PLCL2: variants seen among roughly 807,000 people sequenced by gnomAD.
The protein encoded by PLCL2 is phospholipase C like 2, also known as inactive phospholipase C-like protein 2.
Under a neutral mutation model 79.6 loss-of-function variants are expected in PLCL2, and 4 were observed. The observed-to-expected ratio is 0.05, with a 90% confidence interval of 0.02 to 0.11. The LOEUF (loss-of-function observed/expected upper bound fraction) is 0.11, where lower values mean the gene tolerates loss of function less well. Ranked by LOEUF, PLCL2 falls within the 10% of genes least tolerant of loss-of-function variation. The pLI is 1.00. For missense variants in PLCL2, 895 were observed against 1,291.0 expected (o/e 0.69, Z 4.70); for synonymous variants, 484 against 457.7 (o/e 1.06, Z -0.73).
intron 4 of PLCL2, among the ~76,000 whole-genome samples, chr3:17,047,648 G>C (rs2064794782): frequency 6.6e-6 from 1 of 152,118 alleles, no homozygotes; most frequent in Non-Finnish European, 1.5e-5. Flanking sequence ...ATCCATCCCT[G>C]CTTTCTTAAA....
At chr3:17,066,977 T>G (rs2065016621) in intron 4 of PLCL2, among the ~76,000 whole-genome samples, 1 of 152,228 alleles carries the variant, frequency 6.6e-6, no homozygotes, top group Admixed American at 6.5e-5. Context: ...TGATATGTAG[T>G]TTAATTTTGG....
chr3:16,896,767 T>TAAG (rs1284213037), intron 1 of PLCL2, among the ~76,000 whole-genome samples: 3 of 152,184 alleles, frequency 2.0e-5, no homozygotes, highest in Non-Finnish European at 2.9e-5. Flanking sequence ...TGAACACTTA[T>TAAG]TCTGCCTAAT....
chr3:16,949,811 G>GGT (rs1056752615), intron 1 of PLCL2, among the ~76,000 whole-genome samples: 7 of 152,020 alleles, frequency 4.6e-5, no homozygotes, highest in African/African-American at 1.7e-4. Flanking sequence ...GAATATTTTG[G>GGT]GTGTGTGTGA....
At chr3:16,978,888 C>A (rs1408327046) in intron 1 of PLCL2, among the ~76,000 whole-genome samples, 1 of 152,178 alleles carries the variant, frequency 6.6e-6, no homozygotes, top group Non-Finnish European at 1.5e-5. Context: ...GCTTAATTTT[C>A]TTTTAGCCAG....
At chr3:17,051,571 A>T (rs1019333355) in intron 4 of PLCL2, among the ~76,000 whole-genome samples, 1 of 152,196 alleles carries the variant, frequency 6.6e-6, no homozygotes, top group African/African-American at 2.4e-5. Context: ...GAGAATTGTT[A>T]GTAAGGAAGA....
chr3:16,984,476 A>G lies in PLCL2; in HGVS notation c.328-25198A>G, dbSNP rs28415375. Among the ~76,000 whole-genome samples the G allele has an allele frequency of 2.2e-3, 342 of 152,278 alleles. 2 individuals are homozygous for G. The highest frequency in any genetic ancestry group is 7.7e-3 in the African/African-American group (319 of 41,530). On this transcript the variant is annotated intron_variant, in intron 1 of 5. Coordinates refer to ENST00000615277, the MANE Select transcript of PLCL2 (RefSeq NM_001144382.2). ...AATTGTTAGAGTTTGTTGTTTTTAT[A>G]TGGATCTTTTCAGGATTTATCTGTT... is the stretch of plus-strand genomic sequence containing the variant.
chr3:17,017,334 T>C (rs1051273267), intron 3 of PLCL2, among the ~76,000 whole-genome samples: 17 of 152,230 alleles, frequency 1.1e-4, no homozygotes, highest in African/African-American at 2.9e-4. Context: ...TTTATCGATA[T>C]GTTCTGTTAA....
At chr3:17,071,607 G>T (rs1403446918) in intron 5 of PLCL2, among the ~76,000 whole-genome samples, 1 of 151,998 alleles carries the variant, frequency 6.6e-6, no homozygotes, top group Non-Finnish European at 1.5e-5. Context: ...TGTCTGGATG[G>T]ATCAGTATAT....
intron 1 of PLCL2, among the ~76,000 whole-genome samples, chr3:16,980,302 G>A (rs1277232566): frequency 2.7e-5 from 4 of 150,226 alleles, no homozygotes; most frequent in African/African-American, 9.8e-5. Context: ...CTTGGACGGG[G>A]CGGCTGGCCG....
chr3:17,080,588 T>C (rs2065152968), intron 5 of PLCL2, among the ~76,000 whole-genome samples: 1 of 152,226 alleles, frequency 6.6e-6, no homozygotes, highest in South Asian at 2.1e-4. Context: ...GTAGCTGGGA[T>C]TACAGTCGCC....
chr3:17,019,748 C>T (rs1048981423), intron 3 of PLCL2, among the ~76,000 whole-genome samples: 1 of 152,064 alleles, frequency 6.6e-6, no homozygotes, highest in African/African-American at 2.4e-5. Flanking sequence ...CAAAGAAATG[C>T]AATCATAAAT....
chr3:17,061,150 G>GT (rs1252282952), intron 4 of PLCL2, among the ~76,000 whole-genome samples: 1 of 152,170 alleles, frequency 6.6e-6, no homozygotes, highest in Admixed American at 6.5e-5. Context: ...CAACCAGAAT[G>GT]TTTGAAAGGT....
At chr3:16,971,903 A>G (rs1439029235) in intron 1 of PLCL2, among the ~76,000 whole-genome samples, 1 of 152,150 alleles carries the variant, frequency 6.6e-6, no homozygotes, top group Non-Finnish European at 1.5e-5. Flanking sequence ...TGATTCCAGC[A>G]TATAAACAGA....
intron 3 of PLCL2, among the ~76,000 whole-genome samples, chr3:17,021,395 G>T (rs1397635232): frequency 6.6e-6 from 1 of 152,162 alleles, no homozygotes. Flanking sequence ...CAGTGTGCTG[G>T]TAACATCACA....
intron 1 of PLCL2, among the ~76,000 whole-genome samples, chr3:16,893,524 TA>T (rs1264941842): frequency 6.6e-6 from 1 of 152,226 alleles, no homozygotes; most frequent in Non-Finnish European, 1.5e-5. Flanking sequence ...TAAAAGTGAT[TA>T]ATCATGGAGA....
chr3:16,922,430 A>G (rs190535994), intron 1 of PLCL2, among the ~76,000 whole-genome samples: 4 of 152,322 alleles, frequency 2.6e-5, no homozygotes, highest in African/African-American at 9.6e-5. Flanking sequence ...AATCATTCCT[A>G]AGATCTCGTA....
At chr3:17,070,026 G>T (rs2065047802) in intron 5 of PLCL2, among the ~76,000 whole-genome samples, 1 of 152,200 alleles carries the variant, frequency 6.6e-6, no homozygotes, top group African/African-American at 2.4e-5. Flanking sequence ...AGCAGATTAA[G>T]CCCTGTGGTA....
At chr3:16,914,668 G>A (rs1696952838) in intron 1 of PLCL2, among the ~76,000 whole-genome samples, 1 of 151,672 alleles carries the variant, frequency 6.6e-6, no homozygotes, top group Admixed American at 6.6e-5. Flanking sequence ...GCGTCTTCTT[G>A]TTACAGGATT....
At chr3:16,955,239 A>C (rs184793078) in intron 1 of PLCL2, among the ~76,000 whole-genome samples, 1,601 of 152,290 alleles carry the variant, frequency 0.011, 34 homozygotes, top group African/African-American at 0.036. Flanking sequence ...TCAGCTTTCT[A>C]CATATGGCTA....
Sources: allele counts gnomAD v4.1 joint callset (sites outside exome capture counted in the v4.1 genomes callset), GRCh38; gene constraint gnomAD v4.1.1; transcripts MANE v1.5; gene names NCBI Gene and HGNC (gene_info 2026-07-23, HGNC 2026-07-21).